The following ASZ1 variants were observed in gnomAD, a reference collection of about 807,000 sequenced individuals.
ASZ1 encodes the protein ankyrin repeat, SAM and basic leucine zipper domain containing 1, also known as ankyrin repeat, SAM and basic leucine zipper domain-containing protein 1.
ASZ1 carries 67 observed loss-of-function variants against 61.8 expected under a neutral mutation model. That is an observed-to-expected ratio of 1.08 (90% CI 0.89 to 1.33). The LOEUF (loss-of-function observed/expected upper bound fraction) is 1.33. ASZ1 is among the 40% of genes most tolerant of loss of function. The pLI is 0.00. For missense variants in ASZ1, 577 were observed against 554.5 expected, an observed-to-expected ratio of 1.04 and a Z score of -0.41; for synonymous variants, 193 against 192.7, an observed-to-expected ratio of 1.00 and a Z score of -0.01.
intron 2 of ASZ1, among the ~76,000 whole-genome samples, 192 bp downstream of exon 2, chr7:117,426,644 G>A (rs1797222083): frequency 6.6e-6 from 1 of 152,026 alleles, no homozygotes; most frequent in South Asian, 2.1e-4. Flanking sequence ...AGATAAACAG[G>A]GTGGCATTCC....
chr7:117,401,931 A>G (rs1406753058), intron 4 of ASZ1, among the ~76,000 whole-genome samples: 1 of 152,130 alleles, frequency 6.6e-6, no homozygotes, highest in Non-Finnish European at 1.5e-5. Flanking sequence ...TGCATCTGCC[A>G]TTCACTCCAT....
At chr7:117,389,405 TTTTCC>T (rs1193660134) in intron 4 of ASZ1, among the ~76,000 whole-genome samples, 1 of 152,198 alleles carries the variant, frequency 6.6e-6, no homozygotes, top group African/African-American at 2.4e-5. Flanking sequence ...TTAAAACTTT[TTTTCC>T]TTTCTTGTTT....
Position 117,420,196 on chromosome 7 carries a change from A to C in ASZ1, c.407T>G (p.Leu136Arg). ...EQILKCVELLLSRNADPNVAC... is the reference protein window; with the variant it reads ...EQILKCVELLRSRNADPNVAC... ...AACATTTGGATCAGCATTTCTTGAA[A>C]GTAGTAGTTCTACACACTTCAAGAT... The change falls in exon 4 of 13, where the codon CTT (leucine) becomes CGT (arginine). Residue 136 changes from leucine to arginine, a missense_variant. Physicochemically the swap from Leu to Arg is moderately radical, Grantham distance 102 (BLOSUM62 -2). Transcript: ENST00000284629. 6.2e-7 allele frequency: 1 copy of C among 1,611,600 alleles called. No individual in the cohort carries two copies. Among genetic ancestry groups the C allele is most frequent in the Non-Finnish European group, 8.5e-7 (1 of 1,179,194 alleles).
At chr7:117,394,848 T>G (rs1239715996) in intron 4 of ASZ1, among the ~76,000 whole-genome samples, 1 of 152,260 alleles carries the variant, frequency 6.6e-6, no homozygotes, top group African/African-American at 2.4e-5. Flanking sequence ...AGTTTTAATA[T>G]TCAATAGTTC....
chr7:117,368,551 C>T, intron 11 of ASZ1, 61 bp downstream of exon 11: 1 of 1,568,498 alleles, frequency 6.4e-7, no homozygotes. Flanking sequence ...TTATCATGAA[C>T]TTATCTGGAA....
At chr7:117,404,017 C>T (rs1163931432) in intron 4 of ASZ1, among the ~76,000 whole-genome samples, 2 of 152,144 alleles carry the variant, frequency 1.3e-5, no homozygotes, top group African/African-American at 4.8e-5. Flanking sequence ...ATCCCCCTGC[C>T]CCTAGTCTTA....
At chr7:117,379,162 T>TACACAC (rs1360929671) in intron 10 of ASZ1, among the ~76,000 whole-genome samples, 54 of 57,052 alleles carry the variant, frequency 9.5e-4, no homozygotes, top group African/African-American at 6.4e-3. Context: ...TATATATATA[T>TACACAC]ATATATACAC....
At chr7:117,419,591 C>T (rs1424450981) in intron 4 of ASZ1, among the ~76,000 whole-genome samples, 1 of 152,054 alleles carries the variant, frequency 6.6e-6, no homozygotes, top group Non-Finnish European at 1.5e-5. Context: ...AAGATAGAGT[C>T]AGAAAGGAAG....
chr7:117,364,511 G>A (rs962347547), intron 12 of ASZ1, among the ~76,000 whole-genome samples: 3 of 151,792 alleles, frequency 2.0e-5, no homozygotes, highest in Admixed American at 6.6e-5. Context: ...ATGGCTTTTG[G>A]GGGTGGGGCA....
chr7:117,391,226 C>T (rs968199270), intron 4 of ASZ1, among the ~76,000 whole-genome samples: 21 of 151,052 alleles, frequency 1.4e-4, no homozygotes, highest in Non-Finnish European at 2.7e-4. Context: ...GATATTTAGT[C>T]CTTTGTTGGA....
intron 12 of ASZ1, among the ~76,000 whole-genome samples, chr7:117,366,395 G>T (rs1238277224): frequency 6.6e-6 from 1 of 152,116 alleles, no homozygotes. Flanking sequence ...TAATGAAAAT[G>T]TTAAATGAAT....
chr7:117,388,590 C>T (rs541823685), intron 4 of ASZ1, among the ~76,000 whole-genome samples: 1 of 151,988 alleles, frequency 6.6e-6, no homozygotes, highest in Non-Finnish European at 1.5e-5. Context: ...CAAAATCCAA[C>T]ATTTATTTCT....
At chr7:117,379,191 A>C (rs1317431122) in intron 10 of ASZ1, among the ~76,000 whole-genome samples, 1 of 147,970 alleles carries the variant, frequency 6.8e-6, no homozygotes, top group Non-Finnish European at 1.5e-5. Flanking sequence ...ACACACACAC[A>C]CACAAATGAG....
intron 4 of ASZ1, among the ~76,000 whole-genome samples, chr7:117,402,606 A>T (rs1584734865): frequency 6.6e-6 from 1 of 152,146 alleles, no homozygotes; most frequent in East Asian, 1.9e-4. Flanking sequence ...TAAAGGCCTC[A>T]TCTTTCTCTG....
At chr7:117,410,965 T>G (rs1393060658) in intron 4 of ASZ1, among the ~76,000 whole-genome samples, 1 of 151,704 alleles carries the variant, frequency 6.6e-6, no homozygotes, top group Non-Finnish European at 1.5e-5. Context: ...ATAAGACTTA[T>G]CAAAGGGTAG....
intron 10 of ASZ1, among the ~76,000 whole-genome samples, chr7:117,372,723 C>T (rs542386056): frequency 2.0e-5 from 3 of 152,082 alleles, no homozygotes; most frequent in Admixed American, 6.6e-5. Context: ...ACAATCTTAC[C>T]ACTCACAGAC....
intron 4 of ASZ1, among the ~76,000 whole-genome samples, chr7:117,408,278 C>G (rs4730783): frequency 0.92 from 139,954 of 152,138 alleles, 64,569 homozygotes; most frequent in East Asian, 1. Flanking sequence ...GATTCCAAGG[C>G]TTTCAGAAGT....
intron 10 of ASZ1, among the ~76,000 whole-genome samples, chr7:117,378,490 T>C (rs1409449761): frequency 1.3e-5 from 2 of 152,066 alleles, no homozygotes; most frequent in Admixed American, 6.6e-5. Flanking sequence ...TATTACTGTA[T>C]ACCCATCAGA....
At chr7:117,374,414 A>T (rs1038337207) in intron 10 of ASZ1, among the ~76,000 whole-genome samples, 3 of 152,088 alleles carry the variant, frequency 2.0e-5, no homozygotes, top group Admixed American at 6.6e-5. Flanking sequence ...ATATACACCA[A>T]GCTCCTTAGG....
Sources: gnomAD v4.1 joint callset for allele counts (sites outside exome capture counted in the v4.1 genomes callset) on GRCh38, gnomAD v4.1.1 for gene constraint, MANE v1.5 for transcripts, NCBI Gene and HGNC (gene_info 2026-07-23, HGNC 2026-07-21) for gene names.